Variants in RGL3 observed in about 807,000 individuals in gnomAD.
RGL3 encodes the protein ral guanine nucleotide dissociation stimulator like 3.
RGL3 carries 85 observed loss-of-function variants against 90.6 expected under a neutral mutation model. The observed-to-expected ratio is 0.94, with a 90% CI of 0.79 to 1.12. The LOEUF is 1.12. Among genes scored for constraint, RGL3 ranks in the 50% most tolerant of loss-of-function variants. RGL3 has a pLI of 0.00. For missense variants in RGL3, 1,034 were observed against 939.2 expected, an observed-to-expected ratio of 1.10 and a Z score of -1.32; for synonymous variants, 408 against 385.5, an observed-to-expected ratio of 1.06 and a Z score of -0.68.
rs368090608 is a variant in RGL3, at chr19:11,418,698, G to A, written c.120C>T (p.Ser40=). Residue 40 remains serine, a synonymous_variant, in exon 2 of 19, where the codon AGC becomes AGT. Coordinates refer to ENST00000380456, the MANE Select transcript of RGL3 (RefSeq NM_001035223.4). ...GGCTGCCCCCGGGGCCCTCCGCCGG[G>A]CTCCTGCGCTGACTGCGCTGCCGCC... ...SLRRQRSQRR[S]PAEGPGGSQA... is the part of the protein sequence containing the mutation. The A allele has an allele frequency of 1.5e-5, 23 of 1,566,636 alleles. No individual in the cohort carries two copies. In the Admixed American group the frequency reaches 2.2e-4, roughly 15 times the overall value.
rs750133076 is a variant in RGL3 at position 11,418,504 on chromosome 19, T to TA, written c.147+166dup. ...CCCATTCCCTGGATCTCCCCCCACT[T>TA]ACCTGGCCGCCCCCAGTCCCCTTTC... is the stretch of plus-strand genomic sequence containing the variant. On this transcript the variant is annotated intron_variant, in intron 2 of 18. Coordinates refer to ENST00000380456, the MANE Select transcript of RGL3 (RefSeq NM_001035223.4). 2.8e-4 allele frequency: 169 copies of TA among 593,744 alleles called. 1 individual carries two copies. The highest frequency in any genetic ancestry group is 2.4e-3 in the South Asian group (117 of 49,080). The allele number at this position is 593,744 out of a possible 1,614,324, so 36.8% of individuals were successfully genotyped here.
intron 13 of RGL3, 83 bp downstream of exon 13, chr19:11,401,928 G>T: frequency 6.7e-7 from 1 of 1,483,700 alleles, no homozygotes; most frequent in South Asian, 1.4e-5. Context: ...GGAGGAGCTG[G>T]AGGTGTGTAT....
chr19:11,396,776 T>C (rs931053679), intron 18 of RGL3, among the ~76,000 whole-genome samples: 1 of 150,648 alleles, frequency 6.6e-6, no homozygotes, highest in Non-Finnish European at 1.5e-5. Flanking sequence ...GCAATTATTC[T>C]CCTGCCTCAG....
chr19:11,403,271 G>A (rs1034589481), intron 9 of RGL3, among the ~76,000 whole-genome samples: 2 of 150,228 alleles, frequency 1.3e-5, no homozygotes, highest in African/African-American at 4.9e-5. Flanking sequence ...TCCTGACCTC[G>A]TGATCCGCCT....
At chr19:11,405,492 ATCTTTTTTTTTTTTTTTTTTTTTTTT>A (rs1968761161) in intron 7 of RGL3, 66 bp from the exon 8 acceptor site, 1 of 132,452 alleles carries the variant, frequency 7.5e-6, no homozygotes, top group Non-Finnish European at 1.5e-5. Flanking sequence ...AAACTTCTTC[ATCTTTTTTTTTTTTTTTTTTTTTTTT>A]TTTTTTTTTT....
In RGL3 at chr19:11,405,423, A is replaced by G; in HGVS notation, c.1000T>C (p.Cys334Arg). 1 of 1,480,122 alleles carries G rather than the reference A, an allele frequency of 6.8e-7. No individual in the cohort carries two copies. The highest frequency in any genetic ancestry group is 1.2e-5 in the South Asian group (1 of 86,624). 91.7% of individuals were successfully genotyped at this position (1,480,122 alleles called of 1,614,324 possible). The stretch of plus-strand genomic sequence containing the variant: ...GAGGAGAAGTTCCGCAGTTCTCGGC[A>G]GCGCTGCCAGGCGGTGGGGACGCAG... ...LEKWIRIAQR[C>R]RELRNFSSLR... The change falls in exon 8 of 19, where the codon TGC (cysteine) becomes CGC (arginine). Residue 334 changes from cysteine (C) to arginine (R), a missense_variant. Physicochemically the swap from Cys to Arg is radical, Grantham distance 180 (BLOSUM62 -3). Coordinates refer to ENST00000380456, the MANE Select transcript of RGL3 (RefSeq NM_001035223.4).
intron 13 of RGL3, among the ~76,000 whole-genome samples, chr19:11,401,054 G>GAA (rs1268597342): frequency 8.6e-5 from 13 of 151,694 alleles, no homozygotes; most frequent in Non-Finnish European, 1.9e-4. Flanking sequence ...AGGGTCAAGG[G>GAA]TTGGGGTCAG....
intron 9 of RGL3, 58 bp downstream of exon 9, chr19:11,405,089 C>T (rs1968746356): frequency 2.1e-6 from 3 of 1,435,230 alleles, no homozygotes; most frequent in South Asian, 2.3e-5. Flanking sequence ...TGCCTGGCCC[C>T]AAGTCCCTCC....
intron 17 of RGL3, 43 bp from the exon 18 acceptor site, chr19:11,397,401 A>G: frequency 6.3e-7 from 1 of 1,588,212 alleles, no homozygotes; most frequent in Non-Finnish European, 8.6e-7. Context: ...CCCCGGCCCC[A>G]AGGGCAGGGC....
Position 11,406,571 on chromosome 19 carries a change from G to T in RGL3, c.844C>A (p.Pro282Thr). Residue 282 changes from proline to threonine, a missense_variant, in exon 7 of 19, where the codon CCG becomes ACG. Transcript: ENST00000380456. ...LGSVWSQRDR[P>T]GAAGASPTVR... is the part of the protein sequence containing the mutation. Reference sequence around the variant, plus strand: ...GTGGGGGAGGCGCCTGCAGCCCCCGGCCGGTCCCTCTGCGACCACACGGAG... The same window carrying T: ...GTGGGGGAGGCGCCTGCAGCCCCCGTCCGGTCCCTCTGCGACCACACGGAG... The T allele has an allele frequency of 6.4e-7, 1 of 1,551,062 alleles. No homozygotes were observed.
intron 5 of RGL3, among the ~76,000 whole-genome samples, chr19:11,412,674 A>C (rs1189935757): frequency 6.6e-6 from 1 of 151,980 alleles, no homozygotes; most frequent in Non-Finnish European, 1.5e-5. Context: ...GTATCTAAAA[A>C]TAAAATTCAT....
In RGL3 at chr19:11,414,168, TATATATATAC is replaced by T. The variant is rs1314272136; in HGVS notation, c.637+1759_637+1768del. On this transcript the variant is annotated intron_variant, in intron 5 of 18. Coordinates refer to ENST00000380456, the MANE Select transcript of RGL3 (RefSeq NM_001035223.4). ...ATATATATATATATATATATATATA[TATATATATAC>T]ACCTATATATATATACCTTTATATA... Among the ~76,000 whole-genome samples, 63 of 111,328 alleles carry T rather than the reference TATATATATAC, an allele frequency of 5.7e-4. 5 individuals are homozygous for T. Among genetic ancestry groups the T allele is most frequent in the African/African-American group, 2.2e-3 (54 of 24,640 alleles). 73.0% of individuals were successfully genotyped at this position (111,328 alleles called of 152,430 possible).
Position 11,400,107 on chromosome 19 carries a change from T to C in RGL3, c.1582A>G (p.Lys528Glu). 1 of 1,607,920 alleles carries C rather than the reference T, an allele frequency of 6.2e-7. No individual in the cohort carries two copies. The highest frequency in any genetic ancestry group is 8.5e-7 in the Non-Finnish European group (1 of 1,177,370). Residue 528 changes from lysine to glutamate, a missense_variant and splice_region_variant, in exon 15 of 19, where the codon AAG becomes GAG. Transcript: ENST00000380456. The stretch of plus-strand genomic sequence containing the variant: ...GATGAGCTTTTCTCTCGGGCAAGCT[T>C]CCTAAGGATGGGGACAGGGGATGAG... ...RISLTKRLSA[K>E]LAREKSSSPS...
At chr19:11,401,357 T>C (rs1163398092) in intron 13 of RGL3, among the ~76,000 whole-genome samples, 1 of 151,524 alleles carries the variant, frequency 6.6e-6, no homozygotes, top group African/African-American at 2.4e-5. Context: ...GCCTCCCAAG[T>C]AGTTGGGACC....
Position 11,416,658 on chromosome 19 carries a change from G to C in RGL3, c.381C>G (p.Ile127Met), listed in dbSNP as rs780099559. The C allele has an allele frequency of 6.2e-7, 1 of 1,614,112 alleles. No homozygotes were observed. The highest frequency in any genetic ancestry group is 8.5e-7 in the Non-Finnish European group (1 of 1,180,008). ...MPPPPPPGVEIKKTAVQDLSF... is the reference protein window; with the variant it reads ...MPPPPPPGVEMKKTAVQDLSF... ...TCAGATCTTGTACCGCTGTCTTCTT[G>C]ATCTCTACCCTGGGAAGAGGCCCCC... The change falls in exon 4 of 19, where the codon ATC becomes ATG. Residue 127 changes from isoleucine to methionine, a missense_variant. Coordinates refer to ENST00000380456, the MANE Select transcript of RGL3 (RefSeq NM_001035223.4).
At chr19:11,396,537 C>T (rs1316854688) in intron 18 of RGL3, among the ~76,000 whole-genome samples, 1 of 151,382 alleles carries the variant, frequency 6.6e-6, no homozygotes, top group African/African-American at 2.4e-5. Flanking sequence ...AACTCCTGAG[C>T]TCAGACAATC....
At chr19:11,416,351 T>C in intron 4 of RGL3, 1 of 616,250 alleles carries the variant, frequency 1.6e-6, no homozygotes, top group East Asian at 2.7e-5. Flanking sequence ...CACACCCAGC[T>C]ACCTTTTTTT....
chr19:11,413,576 A>C (rs897428742), intron 5 of RGL3, among the ~76,000 whole-genome samples: 7 of 149,090 alleles, frequency 4.7e-5, no homozygotes, highest in South Asian at 4.3e-4. Context: ...CAGGCACAGT[A>C]GCTCACACTT....
At chr19:11,419,189 T>C in intron 1 of RGL3, 57 bp downstream of exon 1, 2 of 1,568,134 alleles carry the variant, frequency 1.3e-6, no homozygotes. Flanking sequence ...GCGCTTGGAG[T>C]TTCTGGACCT....
Sources: gnomAD v4.1 joint callset for allele counts (sites outside exome capture counted in the v4.1 genomes callset) on GRCh38, gnomAD v4.1.1 for gene constraint, MANE v1.5 for transcripts, NCBI Gene and HGNC (gene_info 2026-07-23, HGNC 2026-07-21) for gene names.